The following IRF4 variants were observed in gnomAD, a reference collection of about 807,000 sequenced individuals.
IRF4 encodes the protein lymphocyte-specific interferon regulatory factor.
Under a neutral mutation model 55.5 loss-of-function variants are expected in IRF4, and 13 were observed. The ratio of observed to expected loss-of-function variants is 0.23; its 90% CI spans 0.15 to 0.37. IRF4 has a LOEUF of 0.37. IRF4 is among the 10% of genes least tolerant of loss of function. The pLI is 1.00. For synonymous variants in IRF4, 249 were observed against 240.7 expected (o/e 1.03, Z -0.32); for missense variants, 397 against 593.8 (o/e 0.67, Z 3.44).
At chr6:392,057 C>T (rs2127435435) in intron 1 of IRF4, among the ~76,000 whole-genome samples, 1 of 152,262 alleles carries the variant, frequency 6.6e-6, no homozygotes, top group East Asian at 1.9e-4. Context: ...CGCGCTCCTG[C>T]GACGGGGTCG....
chr6:406,698 A>C (rs1362155420), intron 8 of IRF4: 12 of 819,716 alleles, frequency 1.5e-5, no homozygotes, highest in Non-Finnish European at 1.9e-5. Context: ...GTGGTCCATA[A>C]AATGAATAAA....
intron 7 of IRF4, 27 bp downstream of exon 7, chr6:401,804 TGG>T: frequency 1.3e-6 from 2 of 1,599,726 alleles, no homozygotes; most frequent in Non-Finnish European, 1.7e-6. Flanking sequence ...TCTGTTAGAA[TGG>T]AGGTGGTGAT....
At chr6:399,779 G>C (rs1429196406) in intron 6 of IRF4, among the ~76,000 whole-genome samples, 1 of 152,240 alleles carries the variant, frequency 6.6e-6, no homozygotes, top group Non-Finnish European at 1.5e-5. Flanking sequence ...TTGCTGCTCA[G>C]AGGGGAGCTG....
chr6:405,005 T>TGGGCTTCTAC lies in IRF4; in HGVS notation c.1100-12_1100-3dup. The TGGGCTTCTAC allele has an allele frequency of 6.4e-7, 1 of 1,555,540 alleles. No homozygotes were observed. The highest frequency in any genetic ancestry group is 8.9e-7 in the Non-Finnish European group (1 of 1,126,838). ...GTTTCTGAACATGGTCTCTTTCTTG[T>TGGGCTTCTAC]GGGCTTCTACAGAGCTGCAAGCGTT... On this transcript the variant is annotated splice_polypyrimidine_tract_variant and intron_variant, in intron 7 of 8. Coordinates refer to ENST00000380956, the MANE Select transcript of IRF4 (RefSeq NM_002460.4).
Position 405,036 on chromosome 6 carries a change from A to G in IRF4, c.1118A>G (p.His373Arg). 1 of 1,613,698 alleles carries G rather than the reference A, an allele frequency of 6.2e-7. No homozygotes were observed. The highest frequency in any genetic ancestry group is 8.5e-7 in the Non-Finnish European group (1 of 1,179,628). ...TCTACAGAGCTGCAAGCGTTTGCTC[A>G]CCACGGCCGCTCCCTGCCAAGATTC... ...QFLSELQAFA[H>R]HGRSLPRFQV... The change falls in exon 8 of 9, where the codon CAC becomes CGC. Residue 373 changes from histidine to arginine, a missense_variant. This residue lies in a region of IRF4 where 341 missense variants were observed against 548.1 expected (regional missense o/e 0.62). Transcript: ENST00000380956.
In IRF4 at chr6:393,031, A is replaced by AG; in HGVS notation, c.-55-63dup. 1 of 888,794 alleles carries AG rather than the reference A, an allele frequency of 1.1e-6. No individual in the cohort carries two copies. The highest frequency in any genetic ancestry group is 1.7e-6 in the Non-Finnish European group (1 of 596,074). The allele number at this position is 888,794 out of a possible 1,614,324, so 55.1% of individuals were successfully genotyped here. A position where few individuals can be genotyped will look rare whatever the true frequency, so the allele number is the denominator to read the frequency against. ...TCCGGGGCCTCGTGGTCACTGGCGCAGGGGATCGGGGCGGGGTGCCCGGAG... is the reference window on the plus strand; with the variant it reads ...TCCGGGGCCTCGTGGTCACTGGCGCAGGGGGATCGGGGCGGGGTGCCCGGAG... On this transcript the variant is annotated intron_variant, in intron 1 of 8. Coordinates refer to ENST00000380956, the MANE Select transcript of IRF4 (RefSeq NM_002460.4). This position sits in a 1 kb window ranked among gnomAD's most constrained non-coding sequence, Gnocchi z 5.4.
rs1761649891 is a variant in IRF4, at chr6:409,903, G to T, written c.*2305G>T. The T allele has an allele frequency of 4.4e-6, 1 of 229,266 alleles. No individual in the cohort carries two copies. Among genetic ancestry groups the T allele is most frequent in the Non-Finnish European group, 8.7e-6 (1 of 115,448 alleles). The allele number at this position is 229,266 out of a possible 1,614,324, so 14.2% of individuals were successfully genotyped here. Reference sequence around the variant, plus strand: ...TCTTCTTTGTTTTTTTAAATATTATGCTGCTTTAACAGTGGAGCTGAATTT... The same window carrying T: ...TCTTCTTTGTTTTTTTAAATATTATTCTGCTTTAACAGTGGAGCTGAATTT... On this transcript the variant is annotated 3_prime_UTR_variant, in exon 9 of 9. Transcript: ENST00000380956.
In IRF4 at chr6:407,437, T is replaced by TA; in HGVS notation, c.1213-14dup. 6.3e-7 allele frequency: 1 copy of TA among 1,591,172 alleles called. No individual in the cohort carries two copies. Among genetic ancestry groups the TA allele is most frequent in the Non-Finnish European group, 8.5e-7 (1 of 1,173,410 alleles). On this transcript the variant is annotated splice_polypyrimidine_tract_variant and intron_variant, in intron 8 of 8. Coordinates refer to ENST00000380956, the MANE Select transcript of IRF4 (RefSeq NM_002460.4). ...GCAGGATATCTCAGTAATGTCTTTT[T>TA]AAAATCTCTTATTAAAGGTAGAACC...
rs780137774 is a variant in IRF4 at position 401,431 on chromosome 6, G to T, written c.753G>T (p.Arg251=). The change falls in exon 7 of 9, where the codon CGG becomes CGT. Residue 251 remains arginine (R), a synonymous_variant. Coordinates refer to ENST00000380956, the MANE Select transcript of IRF4 (RefSeq NM_002460.4). Reference sequence around the variant, plus strand: ...GGAGCTCTGTGTTTGCAGACTGCCGGCTGCACATCTGCCTGTACTACCGGG... The same window carrying T: ...GGAGCTCTGTGTTTGCAGACTGCCGTCTGCACATCTGCCTGTACTACCGGG... ...SAEALAFSDC[R]LHICLYYREI... 4 of 1,611,592 alleles carry T rather than the reference G, an allele frequency of 2.5e-6. No individual in the cohort carries two copies. The Admixed American group carries it at 6.7e-5, about 27-fold the overall frequency.
Position 407,782 on chromosome 6 carries a change from G to A in IRF4, c.*184G>A. 3.4e-6 allele frequency: 2 copies of A among 594,196 alleles called. No individual in the cohort carries two copies. The highest frequency in any genetic ancestry group is 5.8e-6 in the Non-Finnish European group (2 of 346,122). The allele number at this position is 594,196 out of a possible 1,614,324, so 36.8% of individuals were successfully genotyped here. On this transcript the variant is annotated 3_prime_UTR_variant, in exon 9 of 9. Transcript: ENST00000380956. ...GCCTCCCTGGTAGCTGGGATTACAG[G>A]TGTGAGCCACTGCACCCACCCAAGA... is the stretch of plus-strand genomic sequence containing the variant.
Position 393,660 on chromosome 6 carries a change from C to T in IRF4, c.216+292C>T, listed in dbSNP as rs987053388. On this transcript the variant is annotated intron_variant, in intron 2 of 8. Coordinates refer to ENST00000380956, the MANE Select transcript of IRF4 (RefSeq NM_002460.4). This position sits in a 1 kb window ranked among gnomAD's most constrained non-coding sequence, Gnocchi z 5.4. ...GCGGCCAAAGGCTTGAGGGGTTTTGCGCGTTCGTCCGTGCGTTCTCGTTTC... is the reference window on the plus strand; with the variant it reads ...GCGGCCAAAGGCTTGAGGGGTTTTGTGCGTTCGTCCGTGCGTTCTCGTTTC... 1.3e-5 allele frequency among the ~76,000 whole-genome samples: 2 copies of T among 151,118 alleles called. No individual in the cohort carries two copies. Among genetic ancestry groups the T allele is most frequent in the Non-Finnish European group, 2.9e-5 (2 of 67,836 alleles).
chr6:398,991 C>A, intron 6 of IRF4, 56 bp downstream of exon 6: 2 of 1,254,080 alleles, frequency 1.6e-6, no homozygotes, highest in East Asian at 2.4e-5. Context: ...CTGCTGCCAG[C>A]TCTGTCATCT....
At chr6:392,323 C>A (rs1355564436) in intron 1 of IRF4, among the ~76,000 whole-genome samples, 3 of 152,252 alleles carry the variant, frequency 2.0e-5, no homozygotes, top group Non-Finnish European at 4.4e-5. Flanking sequence ...CCGAGCCTTG[C>A]GTGCGGTGGC....
intron 2 of IRF4, among the ~76,000 whole-genome samples, chr6:394,536 G>A (rs540377898): frequency 2.6e-5 from 4 of 152,298 alleles, no homozygotes; most frequent in South Asian, 2.1e-4. Context: ...GGGAAGATGA[G>A]GTGGAAGGAT....
intron 8 of IRF4, among the ~76,000 whole-genome samples, chr6:406,537 G>A (rs1174058583): frequency 2.9e-5 from 4 of 137,464 alleles, no homozygotes; most frequent in African/African-American, 9.8e-5. Flanking sequence ...GTGAGACTCT[G>A]TCTCAAAAAA....
In IRF4 at chr6:402,147, C is replaced by T. The variant is rs145331774; in HGVS notation, c.1099+370C>T. 5.2e-3 allele frequency among the ~76,000 whole-genome samples: 792 copies of T among 152,296 alleles called. 1 individual carries two copies. Among genetic ancestry groups the T allele is most frequent in the Non-Finnish European group, 8.0e-3 (544 of 68,024 alleles). ...AGGTTGGAAGCATATTGTTAACATT[C>T]TTGGTTGTCAGGTGTGTCACCCTCA... On this transcript the variant is annotated intron_variant, in intron 7 of 8. Transcript: ENST00000380956.
chr6:392,973 CACGG>C (rs1340566691), intron 1 of IRF4, 121 bp from the exon 2 acceptor site: 5 of 574,726 alleles, frequency 8.7e-6, no homozygotes, highest in African/African-American at 2.0e-5. Context: ...ACGACCCTGA[CACGG>C]CACGCGCGCG....
chr6:411,166 C>T lies in IRF4; in HGVS notation c.*3568C>T, dbSNP rs1761692078. ...GGGACTTAACAGGCAATGGGGTCCA[C>T]TTCCCCCTCTTCAGCATCCCCCGTA... is the stretch of plus-strand genomic sequence containing the variant. On this transcript the variant is annotated 3_prime_UTR_variant, in exon 9 of 9. Coordinates refer to ENST00000380956, the MANE Select transcript of IRF4 (RefSeq NM_002460.4). 3 of 231,856 alleles carry T rather than the reference C, an allele frequency of 1.3e-5. No individual in the cohort carries two copies. Among genetic ancestry groups the T allele is most frequent in the Non-Finnish European group, 2.6e-5 (3 of 117,138 alleles). 14.4% of individuals were successfully genotyped at this position (231,856 alleles called of 1,614,324 possible).
chr6:402,677 C>CA (rs1761436212), intron 7 of IRF4, among the ~76,000 whole-genome samples: 1 of 152,216 alleles, frequency 6.6e-6, no homozygotes, highest in South Asian at 2.1e-4. Context: ...GTAAGTGACC[C>CA]AAGTTTTTGT....
Sources: allele counts gnomAD v4.1 joint callset (sites outside exome capture counted in the v4.1 genomes callset), GRCh38; gene constraint gnomAD v4.1.1; regional missense constraint gnomAD v4.1.1; non-coding constraint Gnocchi (gnomAD v3.1); transcripts MANE v1.5; gene names NCBI Gene and HGNC (gene_info 2026-07-23, HGNC 2026-07-21).